Variants in ZNF550 observed in about 807,000 individuals in gnomAD.
ZNF550 encodes the protein zinc finger protein 550.
ZNF550 carries 42 observed loss-of-function variants against 40.2 expected under a neutral mutation model. The observed-to-expected ratio is 1.05, with a 90% CI of 0.82 to 1.35. ZNF550 has a LOEUF of 1.35. ZNF550 is among the 40% of genes most tolerant of loss of function. ZNF550 has a pLI of 0.00. For missense variants in ZNF550, 549 were observed against 525.2 expected (o/e 1.05, Z -0.44); for synonymous variants, 223 against 198.6 (o/e 1.12, Z -1.03).
At chr19:57,547,065 G>A (rs1369427565) in exon 4 of ZNF550, 24 of 1,613,978 alleles carry the variant, frequency 1.5e-5, no homozygotes, top group Non-Finnish European at 2.0e-5. Context: ...TCTCCCCAGT[G>A]TGGATGACAG....
intron 2 of ZNF550, chr19:57,552,952 C>G (rs531340571): frequency 8.4e-5 from 40 of 473,598 alleles, no homozygotes; most frequent in Admixed American, 5.4e-4. Context: ...TATATGGAGA[C>G]AGGATCTTTA....
At chr19:57,543,891 T>A in intron 4 of ZNF550, 2 of 850,790 alleles carry the variant, frequency 2.4e-6, no homozygotes, top group Non-Finnish European at 2.8e-6. Context: ...TGAGCTGAGA[T>A]GGCGCCACTG....
rs1193084180 is a variant in ZNF550 at position 57,556,468 on chromosome 19, A to G, written c.28-111T>C. On this transcript the variant is annotated intron_variant, in intron 1 of 4. Coordinates refer to ENST00000457177, the Ensembl canonical transcript of ZNF550. ...AGAGAGATCCAGGTCTGAATCAACT[A>G]GGTCTCCTTTGGGCTGACTTCCGTG... 6.4e-5 allele frequency: 91 copies of G among 1,428,778 alleles called. No homozygotes were observed. In the Admixed American group the frequency reaches 1.9e-3, roughly 30 times the overall value. The allele number at this position is 1,428,778 out of a possible 1,614,324, so 88.5% of individuals were successfully genotyped here. A position where few individuals can be genotyped will look rare whatever the true frequency, so the allele number is the denominator to read the frequency against.
chr19:57,550,148 T>C (rs190548721), intron 3 of ZNF550, among the ~76,000 whole-genome samples: 32 of 152,304 alleles, frequency 2.1e-4, no homozygotes, highest in African/African-American at 6.7e-4. Flanking sequence ...CTAGCAGCTG[T>C]GCTTCATGAA....
chr19:57,552,831 C>T lies in ZNF550; in HGVS notation c.155-109G>A, dbSNP rs951824719. 3 of 733,570 alleles carry T rather than the reference C, an allele frequency of 4.1e-6. No homozygotes were observed. The African/African-American group carries it at 5.2e-5, about 13-fold the overall frequency. The allele number at this position is 733,570 out of a possible 1,614,324, so 45.4% of individuals were successfully genotyped here. ...GGTCCAGACATGAATGCAGCTGCTC[C>T]CAAAGTAAGCAAAATGCTGATGTGA... On this transcript the variant is annotated intron_variant, in intron 2 of 4. Coordinates refer to ENST00000457177, the Ensembl canonical transcript of ZNF550.
At chr19:57,553,695 G>A (rs377686736) in intron 2 of ZNF550, 8 of 150,818 alleles carry the variant, frequency 5.3e-5, no homozygotes, top group South Asian at 2.2e-4. Context: ...TACTGCACCC[G>A]GCCCCAGGAG....
At chr19:57,548,483 T>C (rs768666662) in intron 3 of ZNF550, among the ~76,000 whole-genome samples, 4 of 152,210 alleles carry the variant, frequency 2.6e-5, no homozygotes, top group African/African-American at 2.4e-5. Context: ...AACTGCTCAA[T>C]ATAATTGACC....
intron 3 of ZNF550, 34 bp from the exon 4 acceptor site, chr19:57,548,027 T>G: frequency 1.9e-6 from 3 of 1,569,480 alleles, no homozygotes; most frequent in Non-Finnish European, 2.6e-6. Flanking sequence ...GAGGGGTCTT[T>G]TAGTGATAAA....
rs534294201 is a variant in ZNF550, at chr19:57,549,574, G to C, written c.251-1581C>G. ...GCTTTCTAGAGGAGGTGTCCCATAAGCTGAGTCCTAAAAGAGAAGCCAGAG... is the reference window on the plus strand; with the variant it reads ...GCTTTCTAGAGGAGGTGTCCCATAACCTGAGTCCTAAAAGAGAAGCCAGAG... On this transcript the variant is annotated intron_variant, in intron 3 of 4. Transcript: ENST00000457177. Among the ~76,000 whole-genome samples, 22 of 152,300 alleles carry C rather than the reference G, an allele frequency of 1.4e-4. No homozygotes were observed. The South Asian group carries it at 4.6e-3, about 32-fold the overall frequency.
exon 4 of ZNF550, chr19:57,547,715 A>T: frequency 1.2e-6 from 2 of 1,614,112 alleles, no homozygotes; most frequent in Non-Finnish European, 1.7e-6. Flanking sequence ...TCTGCTGATA[A>T]CCACTCTTGT....
rs147416921 is a variant in ZNF550 at position 57,543,207 on chromosome 19, T to A, written c.*555A>T. 4.9e-5 allele frequency: 47 copies of A among 955,686 alleles called. 3 individuals carry two copies. The East Asian group carries it at 5.3e-3, about 108-fold the overall frequency. 59.2% of individuals were successfully genotyped at this position (955,686 alleles called of 1,614,324 possible). On this transcript the variant is annotated 3_prime_UTR_variant, in exon 5 of 5. Transcript: ENST00000457177. Reference sequence around the variant, plus strand: ...TATTATGTTTTTATTCCGTCAGCAATTTCTTAAATTTCTCTTTTCAACCTT... The same window carrying A: ...TATTATGTTTTTATTCCGTCAGCAAATTCTTAAATTTCTCTTTTCAACCTT...
At chr19:57,560,695 A>G (rs1357196496), upstream of ZNF550, among the ~76,000 whole-genome samples, 1 of 152,154 alleles carries the variant, frequency 6.6e-6, no homozygotes. Flanking sequence ...TGGGGTGCCA[A>G]CCATTTTTAT....
At chr19:57,544,603 G>A in intron 4 of ZNF550, 1 of 985,184 alleles carries the variant, frequency 1.0e-6, no homozygotes, top group Non-Finnish European at 1.2e-6. Context: ...CAAAAACAGA[G>A]AACTCTTAAC....
exon 5 of ZNF550, chr19:57,542,800 C>T (rs2089972940): frequency 6.6e-6 from 1 of 152,184 alleles, no homozygotes; most frequent in African/African-American, 2.4e-5. Context: ...ACATCGTCTT[C>T]CCTCTGTACA....
rs147432413 is a variant in ZNF550 at position 57,547,064 on chromosome 19, T to G, written c.1180A>C (p.Thr394Pro). Residue 394 changes from threonine (T) to proline (P), a missense_variant, in exon 4 of 5, where the codon ACT becomes CCT. Thr to Pro is a conservative substitution (Grantham distance 38). Coordinates refer to ENST00000457177, the Ensembl canonical transcript of ZNF550. ...ATACACTTGTAGGGCATCTCCCCAG[T>G]GTGGATGACAGAGTGCTGAATGAGG... is the stretch of plus-strand genomic sequence containing the variant. 6,544 of 1,613,670 alleles carry G rather than the reference T, an allele frequency of 4.1e-3. 20 individuals carry two copies. Among genetic ancestry groups the G allele is most frequent in the Non-Finnish European group, 4.9e-3 (5,723 of 1,179,880 alleles).
chr19:57,544,591 A>T, intron 4 of ZNF550: 2 of 985,372 alleles, frequency 2.0e-6, no homozygotes, highest in Non-Finnish European at 1.2e-6. Context: ...GTCCTGAAAA[A>T]ACAAAAACAG....
chr19:57,549,700 A>G (rs1013164314), intron 3 of ZNF550, among the ~76,000 whole-genome samples: 10 of 152,190 alleles, frequency 6.6e-5, no homozygotes, highest in African/African-American at 2.4e-4. Context: ...AACCAATATA[A>G]AAGGGTGATT....
Position 57,546,456 on chromosome 19 carries a change from C to G in ZNF550, c.*518+1G>C, listed in dbSNP as rs995911705. 4 of 985,774 alleles carry G rather than the reference C, an allele frequency of 4.1e-6. No individual in the cohort carries two copies. Among genetic ancestry groups the G allele is most frequent in the Non-Finnish European group, 4.8e-6 (4 of 829,988 alleles). The allele number at this position is 985,774 out of a possible 1,614,324, so 61.1% of individuals were successfully genotyped here. ...TGTAAGGACATAAAGCAAGAAGATA[C>G]CTGTAACTGAAGGTTTTCATAAGTT... On this transcript the variant is annotated splice_donor_variant, in intron 4 of 4. Coordinates refer to ENST00000457177, the Ensembl canonical transcript of ZNF550. LOFTEE classifies it low-confidence loss of function (3UTR_SPLICE).
At chr19:57,556,056 GTT>G (rs2090117788) in intron 2 of ZNF550, 173 bp downstream of exon 2, 6 of 765,084 alleles carry the variant, frequency 7.8e-6, no homozygotes, top group Non-Finnish European at 1.3e-5. Flanking sequence ...GAGGGTTTGT[GTT>G]AAAAGGACAT....
Sources: gnomAD v4.1 joint callset for allele counts (sites outside exome capture counted in the v4.1 genomes callset) on GRCh38, gnomAD v4.1.1 for gene constraint, MANE v1.5 for transcripts, NCBI Gene and HGNC (gene_info 2026-07-23, HGNC 2026-07-21) for gene names.